The following ANKRD17 variants were observed in gnomAD, a reference collection of about 807,000 sequenced individuals.
ANKRD17 encodes ankyrin repeat domain-containing protein 17.
A neutral mutation model predicts 229.7 loss-of-function variants in ANKRD17; 19 were observed. That is an observed-to-expected ratio of 0.08 (90% CI 0.06 to 0.12). The LOEUF (loss-of-function observed/expected upper bound fraction) is 0.12. ANKRD17 is among the 10% of genes least tolerant of loss of function. The probability of loss-of-function intolerance (pLI) is 1.00; values close to 1 mark genes in which losing one functional copy is unlikely to be tolerated. For missense variants in ANKRD17, 2,176 were observed against 3,176.8 expected (o/e 0.68, Z 7.57); for synonymous variants, 1,112 against 1,146.1 (o/e 0.97, Z 0.60).
chr4:73,237,788 C>G (rs1743642282), intron 1 of ANKRD17, among the ~76,000 whole-genome samples: 1 of 152,062 alleles, frequency 6.6e-6, no homozygotes, highest in African/African-American at 2.4e-5. Flanking sequence ...TTCCCATAAC[C>G]CTTATCTCTC....
chr4:73,161,396 C>G (rs1732503663), intron 2 of ANKRD17, 48 bp from the exon 3 acceptor site: 1 of 1,590,314 alleles, frequency 6.3e-7, no homozygotes, highest in Admixed American at 1.7e-5. Context: ...AAAGGAGAAA[C>G]AAAGCAAAAT....
intron 24 of ANKRD17, among the ~76,000 whole-genome samples, chr4:73,110,212 T>C (rs1725144114): frequency 6.6e-6 from 1 of 152,162 alleles, no homozygotes; most frequent in African/African-American, 2.4e-5. Context: ...AGCAAGCAAT[T>C]AACTGTTAAG....
At chr4:73,219,898 T>C (rs749761717) in intron 1 of ANKRD17, among the ~76,000 whole-genome samples, 1 of 152,220 alleles carries the variant, frequency 6.6e-6, no homozygotes, top group Non-Finnish European at 1.5e-5. Flanking sequence ...AATTAAAGGA[T>C]GGAAATATCT....
At chr4:73,191,341 A>ATATATGTGTGTGTGTGTG (rs1553933228) in intron 1 of ANKRD17, among the ~76,000 whole-genome samples, 2 of 125,286 alleles carry the variant, frequency 1.6e-5, no homozygotes, top group Admixed American at 8.4e-5. Context: ...AAAAATATAT[A>ATATATGTGTGTGTGTGTG]TGTGTGTGTG....
Position 73,205,337 on chromosome 4 carries a change from A to G in ANKRD17, c.394-27804T>C, listed in dbSNP as rs535755833. On this transcript the variant is annotated intron_variant, in intron 1 of 33. Transcript: ENST00000358602. ...TTTCTAAAAAAAATTTTTTAGCAAA[A>G]TAAAAAATTTAAAAAACAAAGCAGT... is the stretch of plus-strand genomic sequence containing the variant. Among the ~76,000 whole-genome samples, 4 of 152,294 alleles carry G rather than the reference A, an allele frequency of 2.6e-5. No individual in the cohort carries two copies. The East Asian group carries it at 5.8e-4, about 22-fold the overall frequency.
chr4:73,249,624 A>AG lies in ANKRD17; in HGVS notation c.393+8651dup, dbSNP rs568972600. Reference sequence around the variant, plus strand: ...ATAATCCCAGCACTTTGGAAGGCCGAGGGGGGCGGATCCAAGGTCAGGAGT... The same window carrying AG: ...ATAATCCCAGCACTTTGGAAGGCCGAGGGGGGGCGGATCCAAGGTCAGGAGT... On this transcript the variant is annotated intron_variant, in intron 1 of 33. Coordinates refer to ENST00000358602, the MANE Select transcript of ANKRD17 (RefSeq NM_032217.5). Among the ~76,000 whole-genome samples the AG allele has an allele frequency of 1.1e-3, 171 of 152,264 alleles. 1 individual carries two copies. The highest frequency in any genetic ancestry group is 4.0e-3 in the East Asian group (21 of 5,186).
intron 1 of ANKRD17, among the ~76,000 whole-genome samples, chr4:73,182,676 G>C (rs1277112363): frequency 6.6e-6 from 1 of 152,052 alleles, no homozygotes; most frequent in African/African-American, 2.4e-5. Flanking sequence ...AAGAATTCTT[G>C]TCCCCCCAAT....
At chr4:73,118,112 G>A (rs1395676620) in intron 22 of ANKRD17, among the ~76,000 whole-genome samples, 2 of 152,152 alleles carry the variant, frequency 1.3e-5, no homozygotes, top group African/African-American at 4.8e-5. Context: ...TGCCTCTCAG[G>A]CTCAAGCCAT....
intron 16 of ANKRD17, among the ~76,000 whole-genome samples, chr4:73,134,817 A>T (rs1728683892): frequency 6.6e-6 from 1 of 152,172 alleles, no homozygotes; most frequent in Non-Finnish European, 1.5e-5. Context: ...TTAATTTATT[A>T]TTAGAAGAAG....
intron 27 of ANKRD17, among the ~76,000 whole-genome samples, chr4:73,095,534 A>T (rs952984741): frequency 1.3e-5 from 2 of 150,938 alleles, no homozygotes; most frequent in Non-Finnish European, 3.0e-5. Context: ...CCTGGGAGGC[A>T]GAGGTTGCAG....
At chr4:73,094,988 T>C (rs774174968) in intron 27 of ANKRD17, among the ~76,000 whole-genome samples, 15 of 151,820 alleles carry the variant, frequency 9.9e-5, no homozygotes, top group South Asian at 2.1e-4. Flanking sequence ...CTGGCCAACA[T>C]AGTGAAATCC....
At chr4:73,199,510 T>C (rs995509243) in intron 1 of ANKRD17, among the ~76,000 whole-genome samples, 1 of 152,136 alleles carries the variant, frequency 6.6e-6, no homozygotes, top group African/African-American at 2.4e-5. Flanking sequence ...AATTTAACAA[T>C]TACAGTTCCT....
intron 18 of ANKRD17, 47 bp from the exon 19 acceptor site, chr4:73,121,806 T>C: frequency 7.2e-6 from 11 of 1,530,084 alleles, no homozygotes; most frequent in Non-Finnish European, 8.8e-6. Context: ...GAGAGACAAA[T>C]TACCAAAGTG....
chr4:73,107,837 G>A (rs965143976), intron 24 of ANKRD17, among the ~76,000 whole-genome samples: 29 of 152,030 alleles, frequency 1.9e-4, no homozygotes, highest in African/African-American at 5.8e-4. Flanking sequence ...AGTCATTGTC[G>A]GGCTCTGAAC....
chr4:73,129,078 A>T (rs1320140148), intron 16 of ANKRD17, among the ~76,000 whole-genome samples: 2 of 152,198 alleles, frequency 1.3e-5, no homozygotes, highest in Non-Finnish European at 2.9e-5. Flanking sequence ...CTTGTCACAG[A>T]TCTAAGAGAA....
At chr4:73,232,511 G>A (rs117313000) in intron 1 of ANKRD17, among the ~76,000 whole-genome samples, 5 of 152,172 alleles carry the variant, frequency 3.3e-5, no homozygotes, top group East Asian at 3.9e-4. Flanking sequence ...ACTCAAAATC[G>A]AGCATGTAAG....
intron 2 of ANKRD17, among the ~76,000 whole-genome samples, chr4:73,175,021 G>A (rs1469174359): frequency 6.6e-6 from 1 of 152,160 alleles, no homozygotes; most frequent in Admixed American, 6.6e-5. Context: ...CAGAGTCAAT[G>A]CAATTCCTAT....
At chr4:73,163,848 A>G (rs571103773) in intron 2 of ANKRD17, among the ~76,000 whole-genome samples, 5 of 152,240 alleles carry the variant, frequency 3.3e-5, no homozygotes, top group Non-Finnish European at 7.4e-5. Context: ...ATATATTTTT[A>G]TGCTTTTCTT....
In ANKRD17 at chr4:73,156,142, T is replaced by G; in HGVS notation, c.729A>C (p.Ser243=). 2 of 1,605,102 alleles carry G rather than the reference T, an allele frequency of 1.2e-6. No homozygotes were observed. The highest frequency in any genetic ancestry group is 1.7e-6 in the Non-Finnish European group (2 of 1,177,870). ...SDNRSLAEAC[S]EGDVNAVRKL... The stretch of plus-strand genomic sequence containing the variant: ...TTCGCACAGCATTTACATCTCCTTC[T>G]GAACAGGCTTCTGCCAAACTGCGGC... Residue 243 remains serine, a synonymous_variant, in exon 4 of 34, where the codon TCA becomes TCC. Transcript: ENST00000358602.
Sources: gnomAD v4.1 joint callset for allele counts (sites outside exome capture counted in the v4.1 genomes callset) on GRCh38, gnomAD v4.1.1 for gene constraint, MANE v1.5 for transcripts, NCBI Gene and HGNC (gene_info 2026-07-23, HGNC 2026-07-21) for gene names.